The following ERAP1 variants were observed in gnomAD, a reference collection of about 807,000 sequenced individuals.
ERAP1 encodes the protein adipocyte-derived leucine aminopeptidase.
In ERAP1, 86 loss-of-function variants were observed where a neutral mutation model predicts 103.7. The observed-to-expected ratio is 0.83, with a 90% CI of 0.70 to 0.99. ERAP1 has a LOEUF of 0.99. ERAP1 is among the 50% of genes least tolerant of loss of function. The pLI, the probability that ERAP1 is intolerant of heterozygous loss-of-function variation, is 0.00. For missense variants in ERAP1, 1,009 were observed against 1,128.4 expected (o/e 0.89, Z 1.52); for synonymous variants, 398 against 402.4 (o/e 0.99, Z 0.13).
the ERAP1 span, among the ~76,000 whole-genome samples, chr5:96,823,395 C>T: frequency 1.3e-5 from 2 of 152,100 alleles, no homozygotes; most frequent in African/African-American, 4.8e-5. Flanking sequence ...CCATTTCCAC[C>T]GCCATCCTCC....
At chr5:96,856,042 G>A in the ERAP1 span, among the ~76,000 whole-genome samples, 3 of 151,870 alleles carry the variant, frequency 2.0e-5, no homozygotes, top group African/African-American at 7.2e-5. Flanking sequence ...TGAGCAGGCC[G>A]GACACAGTGG....
the ERAP1 span, among the ~76,000 whole-genome samples, chr5:96,824,360 C>T: frequency 6.6e-6 from 1 of 152,174 alleles, no homozygotes; most frequent in Admixed American, 6.5e-5. Context: ...TCTAATCCAG[C>T]ATTCAAAGGT....
At chr5:96,864,955 T>C in the ERAP1 span, among the ~76,000 whole-genome samples, 15 of 152,132 alleles carry the variant, frequency 9.9e-5, no homozygotes, top group African/African-American at 3.6e-4. Flanking sequence ...CTGAAAGACA[T>C]GGAAATTGAG....
chr5:96,898,538 G>A, the ERAP1 span, among the ~76,000 whole-genome samples: 2 of 133,512 alleles, frequency 1.5e-5, no homozygotes, highest in African/African-American at 5.7e-5. Context: ...GGTCAGTCTG[G>A]CCAACATGGT....
the ERAP1 span, among the ~76,000 whole-genome samples, chr5:96,896,098 C>T: frequency 6.6e-6 from 1 of 152,024 alleles, no homozygotes; most frequent in African/African-American, 2.4e-5. Flanking sequence ...AAATGGAAAC[C>T]ATTATTTTAT....
In ERAP1 at chr5:96,775,600, G is replaced by A. The variant is rs1774091553; in HGVS notation, c.*796C>T. On this transcript the variant is annotated 3_prime_UTR_variant, in exon 19 of 19. Transcript: ENST00000443439. ...TTTTGCAAAAGTGCGAGCACATTAT[G>A]TAGAAACCACAAGTCCGCCAGGACT... 1.4e-6 allele frequency: 1 copy of A among 706,726 alleles called. No homozygotes were observed. Among genetic ancestry groups the A allele is most frequent in the Non-Finnish European group, 1.7e-6 (1 of 575,582 alleles). The allele number at this position is 706,726 out of a possible 1,614,324, so 43.8% of individuals were successfully genotyped here. A position where few individuals can be genotyped will look rare whatever the true frequency, so the allele number is the denominator to read the frequency against.
chr5:96,894,322 G>T, the ERAP1 span, among the ~76,000 whole-genome samples: 1 of 152,188 alleles, frequency 6.6e-6, no homozygotes, highest in Non-Finnish European at 1.5e-5. Context: ...CCCTTCAGAA[G>T]ATTGCTGCCC....
the ERAP1 span, chr5:96,889,530 C>T: frequency 4.3e-6 from 3 of 696,260 alleles, no homozygotes; most frequent in African/African-American, 1.8e-5. Flanking sequence ...TCAGGTTTAA[C>T]GTTAACATAT....
At position 96,786,513 on chromosome 5, in the gene ERAP1, G is replaced by A. The variant is rs1463689914; in HGVS notation, c.1716C>T (p.Ser572=). The A allele has an allele frequency of 1.2e-6, 2 of 1,613,150 alleles. No homozygotes were observed. The highest frequency in any genetic ancestry group is 1.7e-6 in the Non-Finnish European group (2 of 1,179,424). Residue 572 remains serine, a synonymous_variant, in exon 12 of 19, where the codon AGC becomes AGT. Transcript: ENST00000443439. ...LWHVPLTFIT[S]KSDMVHRFLL... The stretch of plus-strand genomic sequence containing the variant: ...AAAATCGATGGACCATGTCGGATTT[G>A]CTGGTGATGAATGTCAATGGAACAT...
chr5:96,870,862 T>C, the ERAP1 span, among the ~76,000 whole-genome samples: 2 of 152,188 alleles, frequency 1.3e-5, no homozygotes, highest in African/African-American at 4.8e-5. Context: ...ACTCTACCCA[T>C]TGGCCCATTC....
At chr5:96,899,448 T>C in the ERAP1 span, among the ~76,000 whole-genome samples, 1 of 152,208 alleles carries the variant, frequency 6.6e-6, no homozygotes, top group Admixed American at 6.5e-5. Flanking sequence ...AACTTGAGAA[T>C]GAGAAGAATT....
intron 2 of ERAP1, 70 bp downstream of exon 2, chr5:96,803,333 A>G: frequency 6.8e-7 from 1 of 1,478,824 alleles, no homozygotes; most frequent in Non-Finnish European, 9.3e-7. Flanking sequence ...TTAAAAGACA[A>G]TCAATCTGAA....
Position 96,788,552 on chromosome 5 carries a change from G to T in ERAP1, c.1658C>A (p.Ser553Tyr), listed in dbSNP as rs1271887817. Residue 553 changes from serine (S) to tyrosine (Y), a missense_variant, in exon 11 of 19, where the codon TCT becomes TAT. Transcript: ENST00000443439. ...TTACCCAGTGTCCGGGGCGCCGTCA[G>T]AGCCCTTCATGTAGTGCTCTTGCTT... is the stretch of plus-strand genomic sequence containing the variant. ...HMKQEHYMKG[S>Y]DGAPDTGYLW... The T allele has an allele frequency of 6.2e-7, 1 of 1,614,084 alleles. No individual in the cohort carries two copies. Among genetic ancestry groups the T allele is most frequent in the Non-Finnish European group, 8.5e-7 (1 of 1,180,036 alleles).
chr5:96,889,139 C>T, the ERAP1 span: 1 of 1,608,220 alleles, frequency 6.2e-7, no homozygotes, highest in Non-Finnish European at 8.5e-7. Flanking sequence ...TGGAATTATG[C>T]CAGGGAGCTG....
the ERAP1 span, among the ~76,000 whole-genome samples, chr5:96,830,001 T>C: frequency 1.3e-5 from 2 of 152,160 alleles, no homozygotes; most frequent in Non-Finnish European, 2.9e-5. Context: ...AGAAACCTTA[T>C]CAAATGCATC....
chr5:96,850,369 T>TA, the ERAP1 span, among the ~76,000 whole-genome samples: 1 of 152,064 alleles, frequency 6.6e-6, no homozygotes, highest in African/African-American at 2.4e-5. Context: ...TAAGATATAT[T>TA]AAAAAATCAA....
chr5:96,856,765 T>C, the ERAP1 span, among the ~76,000 whole-genome samples: 1 of 152,234 alleles, frequency 6.6e-6, no homozygotes, highest in East Asian at 1.9e-4. Flanking sequence ...GTCTCTGTTT[T>C]CACTGGTCTC....
At chr5:96,806,854 A>AAAC (rs1183997076) in intron 1 of ERAP1, among the ~76,000 whole-genome samples, 1 of 151,782 alleles carries the variant, frequency 6.6e-6, no homozygotes, top group Non-Finnish European at 1.5e-5. Flanking sequence ...TTAATTTGAA[A>AAAC]AAAAAAAAAG....
At chr5:96,912,939 G>T in the ERAP1 span, 1 of 671,784 alleles carries the variant, frequency 1.5e-6, no homozygotes, top group South Asian at 2.1e-5. Flanking sequence ...TTTCAGAAAA[G>T]AATATATTGA....
Sources: allele counts gnomAD v4.1 joint callset (sites outside exome capture counted in the v4.1 genomes callset), GRCh38; gene constraint gnomAD v4.1.1; transcripts MANE v1.5; gene names NCBI Gene and HGNC (gene_info 2026-07-23, HGNC 2026-07-21).